RAB5B: variants seen among roughly 807,000 people sequenced by gnomAD.
RAB5B encodes the protein ras-related protein Rab-5B.
In RAB5B, 11 loss-of-function variants were observed where a neutral mutation model predicts 28.6. The observed-to-expected ratio is 0.38, with a 90% confidence interval of 0.24 to 0.64. The LOEUF (loss-of-function observed/expected upper bound fraction) is 0.64, where lower values mean the gene tolerates loss of function less well. RAB5B is among the 30% of genes least tolerant of loss of function. The pLI is 0.53. For missense variants in RAB5B, 169 were observed against 265.6 expected (o/e 0.64, Z 2.53); for synonymous variants, 93 against 97.9 (o/e 0.95, Z 0.29).
At chr12:55,983,033 C>T (rs1270484371) in intron 1 of RAB5B, among the ~76,000 whole-genome samples, 1 of 151,826 alleles carries the variant, frequency 6.6e-6, no homozygotes, top group Admixed American at 6.6e-5. Context: ...ATCAGCTTAT[C>T]ATCTGTCCTT....
chr12:55,977,319 C>T (rs1261107637), intron 1 of RAB5B, among the ~76,000 whole-genome samples: 1 of 152,020 alleles, frequency 6.6e-6, no homozygotes, highest in Non-Finnish European at 1.5e-5. Flanking sequence ...TCTAATTTTT[C>T]CAACAGTTTT....
chr12:55,987,651 G>A (rs768207609), intron 2 of RAB5B, among the ~76,000 whole-genome samples: 11 of 151,656 alleles, frequency 7.3e-5, no homozygotes, highest in African/African-American at 2.2e-4. Flanking sequence ...CCAACATGGC[G>A]AAATCCTGTC....
At chr12:55,980,326 C>T in intron 1 of RAB5B, 2 of 912,554 alleles carry the variant, frequency 2.2e-6, no homozygotes, top group Non-Finnish European at 3.6e-6. Flanking sequence ...ACCTATGTGT[C>T]CCTCCAAGCC....
At chr12:55,983,000 A>G (rs890297185) in intron 1 of RAB5B, among the ~76,000 whole-genome samples, 3 of 152,140 alleles carry the variant, frequency 2.0e-5, no homozygotes, top group African/African-American at 7.2e-5. Context: ...TATAGCATAT[A>G]TATGTCACCT....
At chr12:55,982,978 G>A (rs182908560) in intron 1 of RAB5B, among the ~76,000 whole-genome samples, 5 of 152,078 alleles carry the variant, frequency 3.3e-5, no homozygotes, top group Admixed American at 2.0e-4. Context: ...TTTTTCTATT[G>A]TTTCTTGAGA....
intron 2 of RAB5B, 65 bp downstream of exon 2, chr12:55,987,188 T>C: frequency 6.9e-7 from 1 of 1,452,872 alleles, no homozygotes; most frequent in Non-Finnish European, 9.3e-7. Context: ...TTAGATGGAG[T>C]CTTGCTCTGT....
Position 55,992,116 on chromosome 12 carries a change from T to C in RAB5B, c.552T>C (p.Ser184=). ...CTCTAGCTAAGAAGTTGCCAAAGAG[T>C]GAACCCCAGAATCTGGGAGGTGCAG... ...FLAIAKKLPK[S]EPQNLGGAAG... is the part of the protein sequence containing the mutation. Residue 184 remains serine (S), a synonymous_variant, in exon 6 of 6, where the codon AGT becomes AGC. Transcript: ENST00000360299. 1 of 1,613,928 alleles carries C rather than the reference T, an allele frequency of 6.2e-7. No homozygotes were observed. Among genetic ancestry groups the C allele is most frequent in the South Asian group, 1.1e-5 (1 of 91,082 alleles).
chr12:55,992,730 G>A lies in RAB5B; in HGVS notation c.*518G>A, dbSNP rs1890173020. 1 of 312,650 alleles carries A rather than the reference G, an allele frequency of 3.2e-6. No individual in the cohort carries two copies. The highest frequency in any genetic ancestry group is 6.1e-6 in the Non-Finnish European group (1 of 165,060). 19.4% of individuals were successfully genotyped at this position (312,650 alleles called of 1,614,324 possible). On this transcript the variant is annotated 3_prime_UTR_variant, in exon 6 of 6. Transcript: ENST00000360299. ...GGAGAATAAAGCTCAGAGCAGGAGG[G>A]AGTAAGGAAACATTTCCTTTTTGTT... is the stretch of plus-strand genomic sequence containing the variant.
Position 55,991,433 on chromosome 12 carries a change from A to G in RAB5B, c.512A>G (p.Asn171Ser). 6.2e-7 allele frequency: 1 copy of G among 1,613,940 alleles called. No individual in the cohort carries two copies. Among genetic ancestry groups the G allele is most frequent in the East Asian group, 2.2e-5 (1 of 44,880 alleles). ...ETSAKTAMNV[N>S]DLFLAIAKKL... ...TCAGCCAAGACAGCTATGAACGTGA[A>G]TGATCTCTTCCTGGCAATAGGTAAG... is the stretch of plus-strand genomic sequence containing the variant. The change falls in exon 5 of 6, where the codon AAT becomes AGT. Residue 171 changes from asparagine to serine, a missense_variant. By Grantham distance (46) the Asn-to-Ser change is conservative (BLOSUM62 1). Coordinates refer to ENST00000360299, the MANE Select transcript of RAB5B (RefSeq NM_002868.4).
chr12:55,985,814 C>G, intron 1 of RAB5B: 2 of 443,606 alleles, frequency 4.5e-6, no homozygotes, highest in Non-Finnish European at 9.1e-6. Flanking sequence ...ACCAGCAAGA[C>G]AGCTGCAAGT....
At position 55,996,003 on chromosome 12, in the gene RAB5B, A is replaced by ATATATATTTT; in HGVS notation, c.*3792_*3793insATATATTTTT. On this transcript the variant is annotated 3_prime_UTR_variant, in exon 6 of 6. Coordinates refer to ENST00000360299, the MANE Select transcript of RAB5B (RefSeq NM_002868.4). Reference sequence around the variant, plus strand: ...TATATACATATATATATATATATATATTTTTTTTTTAACAACTGGTAGGAT... The same window carrying ATATATATTTT: ...TATATACATATATATATATATATATATATATATTTTTTTTTTTTTTAACAACTGGTAGGAT... 61 of 97,400 alleles carry ATATATATTTT rather than the reference A, an allele frequency of 6.3e-4. No individual in the cohort carries two copies. Among genetic ancestry groups the ATATATATTTT allele is most frequent in the South Asian group, 1.1e-3 (4 of 3,484 alleles). 6.0% of individuals were successfully genotyped at this position (97,400 alleles called of 1,614,324 possible).
intron 1 of RAB5B, among the ~76,000 whole-genome samples, chr12:55,978,288 A>T (rs1487153426): frequency 4.6e-5 from 7 of 152,300 alleles, no homozygotes; most frequent in Non-Finnish European, 8.8e-5. Flanking sequence ...TCACGAGGTC[A>T]GGAGATTGAG....
intron 1 of RAB5B, chr12:55,980,473 A>T (rs1407825536): frequency 6.3e-7 from 1 of 1,591,884 alleles, no homozygotes; most frequent in Admixed American, 1.7e-5. Context: ...TTTTCAGGTC[A>T]GTACTGGGAG....
In RAB5B at chr12:55,984,419, ACCT is replaced by A. The variant is rs1889898456; in HGVS notation, c.-92-2446_-92-2444del. 2.0e-5 allele frequency among the ~76,000 whole-genome samples: 3 copies of A among 151,516 alleles called. No individual in the cohort carries two copies. In the South Asian group the frequency reaches 6.2e-4, roughly 32 times the overall value. On this transcript the variant is annotated intron_variant, in intron 1 of 5. Transcript: ENST00000360299. ...TTGCCAGGCTTGTCTCAAACTCCTG[ACCT>A]CCTGATCTGCCTGCCTTTGCCTCCC... is the stretch of plus-strand genomic sequence containing the variant.
rs761146086 is a variant in RAB5B, at chr12:55,990,045, A to G, written c.262A>G (p.Met88Val). 1.2e-6 allele frequency: 2 copies of G among 1,614,094 alleles called. No homozygotes were observed. The highest frequency in any genetic ancestry group is 8.5e-7 in the Non-Finnish European group (1 of 1,179,956). Reference protein sequence around the residue: ...GQERYHSLAPMYYRGAQAAIV... With the variant: ...GQERYHSLAPVYYRGAQAAIV... ...GGAGCGATATCACAGCTTAGCCCCC[A>G]TGTACTACAGGGGTGCCCAAGCTGC... Residue 88 changes from methionine to valine, a missense_variant, in exon 3 of 6, where the codon ATG becomes GTG. Met to Val is a conservative substitution (Grantham distance 21). Transcript: ENST00000360299.
chr12:55,991,531 G>A lies in RAB5B; in HGVS notation c.532+78G>A, dbSNP rs937828910. 4.9e-6 allele frequency: 6 copies of A among 1,228,492 alleles called. No homozygotes were observed. In the East Asian group the frequency reaches 1.4e-4, roughly 29 times the overall value. 76.1% of individuals were successfully genotyped at this position (1,228,492 alleles called of 1,614,324 possible). On this transcript the variant is annotated intron_variant, in intron 5 of 5. Transcript: ENST00000360299. Reference sequence around the variant, plus strand: ...TTATAGCTAACCCAAATCAAGGATAGGTGCGAGTATCTCCTTTTGCAAAAA... The same window carrying A: ...TTATAGCTAACCCAAATCAAGGATAAGTGCGAGTATCTCCTTTTGCAAAAA...
At chr12:55,991,086 A>G (rs1055423985) in intron 4 of RAB5B, 12 of 536,124 alleles carry the variant, frequency 2.2e-5, no homozygotes, top group African/African-American at 2.1e-4. Flanking sequence ...GTGGTAAGGG[A>G]CTATTCAAGT....
chr12:55,984,193 T>A (rs1380657596), intron 1 of RAB5B, among the ~76,000 whole-genome samples: 1 of 151,422 alleles, frequency 6.6e-6, no homozygotes, highest in Non-Finnish European at 1.5e-5. Flanking sequence ...TAATTTTTTT[T>A]TTTTTTTTTT....
chr12:55,992,416 C>T lies in RAB5B; in HGVS notation c.*204C>T, dbSNP rs533884973. 1 of 685,194 alleles carries T rather than the reference C, an allele frequency of 1.5e-6. No individual in the cohort carries two copies. Among genetic ancestry groups the T allele is most frequent in the Non-Finnish European group, 2.7e-6 (1 of 376,982 alleles). The allele number at this position is 685,194 out of a possible 1,614,324, so 42.4% of individuals were successfully genotyped here. On this transcript the variant is annotated 3_prime_UTR_variant, in exon 6 of 6. Transcript: ENST00000360299. The stretch of plus-strand genomic sequence containing the variant: ...AGCTGTTGCCACTGGCCTCCTACCC[C>T]CTACTCTGGGGCTTGGGGGTCAACT...
Sources: allele counts gnomAD v4.1 joint callset (sites outside exome capture counted in the v4.1 genomes callset), GRCh38; gene constraint gnomAD v4.1.1; transcripts MANE v1.5; gene names NCBI Gene and HGNC (gene_info 2026-07-23, HGNC 2026-07-21).